Variants in DIAPH3 observed in about 807,000 individuals in gnomAD.
The protein encoded by DIAPH3 is diaphanous related formin 3, also known as protein diaphanous homolog 3.
A neutral mutation model predicts 144.3 loss-of-function variants in DIAPH3; 117 were observed. The observed-to-expected ratio is 0.81, with a 90% confidence interval of 0.70 to 0.95. The LOEUF is 0.95. Among genes scored for constraint, DIAPH3 ranks in the 40% least tolerant of loss-of-function variants. DIAPH3 has a pLI of 0.00. For missense variants in DIAPH3, 1,421 were observed against 1,412.7 expected (o/e 1.01, Z -0.09); for synonymous variants, 519 against 488.9 (o/e 1.06, Z -0.81).
chr13:60,103,187 G>A (rs2058320983), intron 3 of DIAPH3, among the ~76,000 whole-genome samples: 2 of 151,934 alleles, frequency 1.3e-5, no homozygotes, highest in African/African-American at 4.8e-5. Context: ...CTTAGTACCT[G>A]TGCACACACA....
chr13:60,066,721 C>T (rs915585626), intron 4 of DIAPH3, among the ~76,000 whole-genome samples: 1 of 152,156 alleles, frequency 6.6e-6, no homozygotes, highest in Non-Finnish European at 1.5e-5. Context: ...AATTAGAATT[C>T]TTGTGAAAAT....
At chr13:60,015,009 G>GTTTTGTTTTGT (rs200557496) in intron 7 of DIAPH3, among the ~76,000 whole-genome samples, 37 of 151,122 alleles carry the variant, frequency 2.4e-4, no homozygotes, top group African/African-American at 8.5e-4. Context: ...GTTTTGTTTT[G>GTTTTGTTTTGT]TTTAAGGACA....
intron 7 of DIAPH3, among the ~76,000 whole-genome samples, chr13:60,011,105 C>CAA (rs796142976): frequency 6.9e-6 from 1 of 144,856 alleles, no homozygotes; most frequent in African/African-American, 2.5e-5. Flanking sequence ...AACTCCGTCT[C>CAA]AAAAAAAAAA....
chr13:59,730,566 T>C (rs1205426428), intron 27 of DIAPH3, among the ~76,000 whole-genome samples: 1 of 152,132 alleles, frequency 6.6e-6, no homozygotes, highest in Non-Finnish European at 1.5e-5. Flanking sequence ...AGGAAATAAC[T>C]TAAAAAACAA....
intron 18 of DIAPH3, among the ~76,000 whole-genome samples, chr13:59,918,774 C>CAG (rs2047365460): frequency 6.6e-6 from 1 of 151,956 alleles, no homozygotes; most frequent in Non-Finnish European, 1.5e-5. Flanking sequence ...CTTCAACATG[C>CAG]AGACAGCAAC....
chr13:60,137,589 A>C (rs2059318067), intron 1 of DIAPH3, among the ~76,000 whole-genome samples: 1 of 152,120 alleles, frequency 6.6e-6, no homozygotes, highest in African/African-American at 2.4e-5. Flanking sequence ...CCAATGGAGC[A>C]AAGGATCTGT....
At chr13:59,848,403 T>G (rs1186276897) in intron 22 of DIAPH3, among the ~76,000 whole-genome samples, 1 of 151,170 alleles carries the variant, frequency 6.6e-6, no homozygotes, top group East Asian at 2.0e-4. Flanking sequence ...GCCATGCTGG[T>G]GCGCTGCACC....
In DIAPH3 at chr13:59,665,905, C is replaced by A. The variant is rs996907072; in HGVS notation, c.*679G>T. 2 of 152,296 alleles carry A rather than the reference C, an allele frequency of 1.3e-5. No individual in the cohort carries two copies. The highest frequency in any genetic ancestry group is 2.4e-5 in the African/African-American group (1 of 41,448). 9.4% of individuals were successfully genotyped at this position (152,296 alleles called of 1,614,324 possible). On this transcript the variant is annotated 3_prime_UTR_variant, in exon 28 of 28. Transcript: ENST00000400324. ...CAATTCTGTTTACATCCACGTTACACAAAAGCACATGCATTTGGCAAAGAG... is the reference window on the plus strand; with the variant it reads ...CAATTCTGTTTACATCCACGTTACAAAAAAGCACATGCATTTGGCAAAGAG...
At chr13:59,764,849 T>G (rs1304682671) in intron 27 of DIAPH3, among the ~76,000 whole-genome samples, 3 of 152,054 alleles carry the variant, frequency 2.0e-5, no homozygotes, top group Non-Finnish European at 4.4e-5. Flanking sequence ...TCCAGAATTG[T>G]GAGAGAATAA....
intron 22 of DIAPH3, among the ~76,000 whole-genome samples, chr13:59,839,860 A>T (rs1384820408): frequency 6.6e-6 from 1 of 152,236 alleles, no homozygotes; most frequent in Non-Finnish European, 1.5e-5. Flanking sequence ...TAGATGGGAA[A>T]GATGGGGAAA....
At position 59,731,353 on chromosome 13, in the gene DIAPH3, C is replaced by T. The variant is rs117734546; in HGVS notation, c.3319+42836G>A. Among the ~76,000 whole-genome samples the T allele has an allele frequency of 4.9e-3, 744 of 152,108 alleles. 2 individuals are homozygous for T. Among genetic ancestry groups the T allele is most frequent in the Admixed American group, 7.7e-3 (118 of 15,256 alleles). On this transcript the variant is annotated intron_variant, in intron 27 of 27. Coordinates refer to ENST00000400324, the MANE Select transcript of DIAPH3 (RefSeq NM_001042517.2). ...TACAAGACATTGGGGAAAAAACTGT[C>T]GATTTTATGTCCAACAGCAAATAAA...
At chr13:59,933,534 T>G (rs1049296016) in intron 17 of DIAPH3, among the ~76,000 whole-genome samples, 1 of 152,212 alleles carries the variant, frequency 6.6e-6, no homozygotes, top group Non-Finnish European at 1.5e-5. Flanking sequence ...TTTTCTCAAA[T>G]ATAACATGAA....
intron 22 of DIAPH3, among the ~76,000 whole-genome samples, chr13:59,857,334 T>C (rs2043314463): frequency 6.6e-6 from 1 of 152,130 alleles, no homozygotes; most frequent in South Asian, 2.1e-4. Flanking sequence ...CATAAAATGA[T>C]GGAAACGCAT....
rs192483386 is a variant in DIAPH3, at chr13:59,723,898, C to T, written c.3319+50291G>A. The stretch of plus-strand genomic sequence containing the variant: ...AAAGTGCTGGGATTACAGGCATGAG[C>T]CACCGCACCCAGCCAGAAAATGATA... On this transcript the variant is annotated intron_variant, in intron 27 of 27. Coordinates refer to ENST00000400324, the MANE Select transcript of DIAPH3 (RefSeq NM_001042517.2). Among the ~76,000 whole-genome samples, 3 of 149,744 alleles carry T rather than the reference C, an allele frequency of 2.0e-5. No individual in the cohort carries two copies. The East Asian group carries it at 5.9e-4, about 29-fold the overall frequency.
Position 59,869,093 on chromosome 13 carries a change from A to G in DIAPH3, c.2608-7557T>C, listed in dbSNP as rs528110402. ...TGGGTAAACACTTAGGAGTGTGATTACTGGATGGTTTGTTCTACGTGTAGC... is the reference window on the plus strand; with the variant it reads ...TGGGTAAACACTTAGGAGTGTGATTGCTGGATGGTTTGTTCTACGTGTAGC... On this transcript the variant is annotated intron_variant, in intron 21 of 27. Transcript: ENST00000400324. Among the ~76,000 whole-genome samples, 664 of 152,272 alleles carry G rather than the reference A, an allele frequency of 4.4e-3. 3 individuals are homozygous for G. The highest frequency in any genetic ancestry group is 7.2e-3 in the Non-Finnish European group (493 of 68,014).
chr13:60,094,620 T>A (rs1248479466), intron 3 of DIAPH3, among the ~76,000 whole-genome samples: 3 of 152,292 alleles, frequency 2.0e-5, no homozygotes, highest in Non-Finnish European at 4.4e-5. Flanking sequence ...AAACTTCGTA[T>A]CTACTCAGAA....
At chr13:59,832,001 C>T (rs938745816) in intron 24 of DIAPH3, among the ~76,000 whole-genome samples, 2 of 151,788 alleles carry the variant, frequency 1.3e-5, no homozygotes. Context: ...ACACATAACT[C>T]GTATGAAATT....
intron 20 of DIAPH3, among the ~76,000 whole-genome samples, chr13:59,910,737 TA>T (rs761070763): frequency 0.012 from 1,431 of 119,784 alleles, 4 homozygotes; most frequent in African/African-American, 0.022. Flanking sequence ...CTCAAGTATT[TA>T]AAAAAAAAAA....
chr13:59,898,134 C>CAAAAAAAAA (rs34238599), intron 20 of DIAPH3, among the ~76,000 whole-genome samples: 7 of 72,192 alleles, frequency 9.7e-5, no homozygotes, highest in South Asian at 1.2e-3. Context: ...GACTCTGCCT[C>CAAAAAAAAA]AAAAAAAAAA....
Sources: gnomAD v4.1 joint callset for allele counts (sites outside exome capture counted in the v4.1 genomes callset) on GRCh38, gnomAD v4.1.1 for gene constraint, MANE v1.5 for transcripts, NCBI Gene and HGNC (gene_info 2026-07-23, HGNC 2026-07-21) for gene names.